UNC5C: variants seen among roughly 807,000 people sequenced by gnomAD.
UNC5C encodes netrin receptor UNC5C.
Under a neutral mutation model 99.8 loss-of-function variants are expected in UNC5C, and 47 were observed. The ratio of observed to expected loss-of-function variants is 0.47; its 90% CI spans 0.37 to 0.60. The LOEUF (loss-of-function observed/expected upper bound fraction) is 0.60. Ranked by LOEUF, UNC5C falls within the 20% of genes least tolerant of loss-of-function variation. UNC5C has a pLI of 0.00. For missense variants in UNC5C, 1,062 were observed against 1,165.9 expected (o/e 0.91, Z 1.30); for synonymous variants, 487 against 452.2 (o/e 1.08, Z -0.98).
chr4:95,216,283 G>T (rs114114448), intron 9 of UNC5C, 72 bp from the exon 10 acceptor site: 26 of 1,198,424 alleles, frequency 2.2e-5, no homozygotes, highest in Middle Eastern at 3.8e-4. Flanking sequence ...GAGATTTTGT[G>T]ACCGCGCAGC....
At chr4:95,518,834 C>G (rs753011978) in intron 1 of UNC5C, among the ~76,000 whole-genome samples, 1 of 152,040 alleles carries the variant, frequency 6.6e-6, no homozygotes, top group Non-Finnish European at 1.5e-5. Context: ...TAAGCTTATA[C>G]AATATTTTTT....
At chr4:95,356,213 C>CAAAAAA (rs869165569) in intron 1 of UNC5C, among the ~76,000 whole-genome samples, 2 of 78,154 alleles carry the variant, frequency 2.6e-5, no homozygotes, top group Non-Finnish European at 5.1e-5. Context: ...AAAAAAAAAA[C>CAAAAAA]AAAACAAAAA....
chr4:95,501,276 G>T (rs1334410192), intron 1 of UNC5C, among the ~76,000 whole-genome samples: 1 of 151,962 alleles, frequency 6.6e-6, no homozygotes, highest in East Asian at 1.9e-4. Context: ...CTAGCTAGAG[G>T]CATTTTTTTT....
chr4:95,405,564 A>G (rs1167916352), intron 1 of UNC5C, among the ~76,000 whole-genome samples: 2 of 152,166 alleles, frequency 1.3e-5, no homozygotes, highest in Non-Finnish European at 2.9e-5. Flanking sequence ...ACCTGTGCCT[A>G]TATTAAGCGC....
At chr4:95,249,044 T>G (rs1351209727) in intron 5 of UNC5C, among the ~76,000 whole-genome samples, 1 of 152,200 alleles carries the variant, frequency 6.6e-6, no homozygotes, top group East Asian at 1.9e-4. Context: ...ACCTTTTCTA[T>G]GTTTAGATAT....
chr4:95,429,471 A>G (rs1481441389), intron 1 of UNC5C, among the ~76,000 whole-genome samples: 1 of 152,144 alleles, frequency 6.6e-6, no homozygotes, highest in Non-Finnish European at 1.5e-5. Context: ...ATAAGAAAAT[A>G]AAATCTAGTT....
intron 1 of UNC5C, among the ~76,000 whole-genome samples, chr4:95,360,794 A>G (rs567170231): frequency 6.6e-6 from 1 of 152,300 alleles, no homozygotes; most frequent in Admixed American, 6.5e-5. Flanking sequence ...CCTCTGTTTT[A>G]TTAAACCTCC....
chr4:95,383,324 G>A (rs1341772584), intron 1 of UNC5C, among the ~76,000 whole-genome samples: 2 of 151,836 alleles, frequency 1.3e-5, no homozygotes, highest in Non-Finnish European at 2.9e-5. Context: ...CCAAACTAAT[G>A]AGCAGATCTC....
At chr4:95,343,016 T>A (rs1743637730) in intron 1 of UNC5C, among the ~76,000 whole-genome samples, 1 of 150,856 alleles carries the variant, frequency 6.6e-6, no homozygotes, top group Non-Finnish European at 1.5e-5. Flanking sequence ...GAGTTCCAGG[T>A]AGATTCTTAA....
At chr4:95,401,190 C>T (rs1183041990) in intron 1 of UNC5C, among the ~76,000 whole-genome samples, 1 of 152,044 alleles carries the variant, frequency 6.6e-6, no homozygotes. Context: ...AGTAGAGTGC[C>T]TACCATGTGC....
chr4:95,365,169 C>T (rs1744515608), intron 1 of UNC5C, among the ~76,000 whole-genome samples: 1 of 149,822 alleles, frequency 6.7e-6, no homozygotes, highest in Non-Finnish European at 1.5e-5. Context: ...GGTGGCATGT[C>T]CATGTAGTCC....
intron 1 of UNC5C, among the ~76,000 whole-genome samples, chr4:95,367,017 C>T (rs2149437278): frequency 6.6e-6 from 1 of 152,136 alleles, no homozygotes; most frequent in Middle Eastern, 3.4e-3. Context: ...CCTTCACAAA[C>T]CTGTATCATT....
chr4:95,506,316 G>A (rs1488840995), intron 1 of UNC5C, among the ~76,000 whole-genome samples: 1 of 151,950 alleles, frequency 6.6e-6, no homozygotes, highest in Non-Finnish European at 1.5e-5. Context: ...TTAGGATGTT[G>A]CTTTCTTATC....
chr4:95,375,648 C>A (rs1174332987), intron 1 of UNC5C, among the ~76,000 whole-genome samples: 1 of 152,080 alleles, frequency 6.6e-6, no homozygotes, highest in East Asian at 1.9e-4. Context: ...TAGCAAAGTA[C>A]CTATCTTAAG....
intron 14 of UNC5C, among the ~76,000 whole-genome samples, chr4:95,177,580 A>C (rs560256080): frequency 2.0e-5 from 3 of 152,340 alleles, no homozygotes; most frequent in African/African-American, 7.2e-5. Context: ...ATCCCATGGA[A>C]CAGGGTCAAT....
At chr4:95,531,575 A>G (rs1722643581) in intron 1 of UNC5C, among the ~76,000 whole-genome samples, 2 of 152,262 alleles carry the variant, frequency 1.3e-5, no homozygotes, top group African/African-American at 4.8e-5. Flanking sequence ...ACACCTTATA[A>G]TGATACATTT....
chr4:95,512,517 G>T (rs1722102663), intron 1 of UNC5C, among the ~76,000 whole-genome samples: 1 of 152,102 alleles, frequency 6.6e-6, no homozygotes, highest in African/African-American at 2.4e-5. Flanking sequence ...AGCAATGAGA[G>T]GCCTTCACCT....
At chr4:95,344,444 AAAGGAGTTCTTC>A (rs1743694931) in intron 1 of UNC5C, among the ~76,000 whole-genome samples, 2 of 152,146 alleles carry the variant, frequency 1.3e-5, no homozygotes, top group African/African-American at 4.8e-5. Flanking sequence ...TGAGATGCAA[AAAGGAGTTCTTC>A]AATTGGAAAG....
intron 2 of UNC5C, among the ~76,000 whole-genome samples, chr4:95,302,224 C>G (rs1224932243): frequency 1.3e-5 from 2 of 152,142 alleles, no homozygotes; most frequent in Non-Finnish European, 2.9e-5. Context: ...AATGGCACAT[C>G]GTTTTTCTTG....
Sources: allele counts gnomAD v4.1 joint callset (sites outside exome capture counted in the v4.1 genomes callset), GRCh38; gene constraint gnomAD v4.1.1; transcripts MANE v1.5; gene names NCBI Gene and HGNC (gene_info 2026-07-23, HGNC 2026-07-21).